ALOX15B: variants seen among roughly 807,000 people sequenced by gnomAD.
ALOX15B encodes the protein arachidonate 15-lipoxygenase type B, also known as polyunsaturated fatty acid lipoxygenase ALOX15B.
Under a neutral mutation model 73.8 loss-of-function variants are expected in ALOX15B, and 74 were observed. The observed-to-expected ratio is 1.00, with a 90% CI of 0.83 to 1.22. ALOX15B has a LOEUF of 1.22. ALOX15B is among the 50% of genes most tolerant of loss of function. The probability of loss-of-function intolerance (pLI) is 0.00; values close to 1 mark genes in which losing one functional copy is unlikely to be tolerated. For synonymous variants in ALOX15B, 353 were observed against 357.2 expected (o/e 0.99, Z 0.13); for missense variants, 896 against 859.9 (o/e 1.04, Z -0.52).
intron 13 of ALOX15B, among the ~76,000 whole-genome samples, 199 bp downstream of exon 13, chr17:8,048,114 A>G (rs758166331): frequency 6.6e-6 from 1 of 152,220 alleles, no homozygotes; most frequent in Non-Finnish European, 1.5e-5. Context: ...AGCCACTCTC[A>G]GTAGCAAGGG....
At position 8,039,498 on chromosome 17, in the gene ALOX15B, G is replaced by A. The variant is rs1409408035; in HGVS notation, c.260G>A (p.Trp87Ter). ...PLLGPLAPDAWFCRWFQLTPP... is the reference protein window; with the variant it reads ...PLLGPLAPDA ...CTGGGGCCCCTGGCCCCGGATGCCT[G>A]GTTCTGCCGCTGGTTCCAGCTGACA... The change falls in exon 2 of 14, where the codon TGG becomes TAG. Residue 87 changes from tryptophan to a stop codon, truncating the protein, a stop_gained. Coordinates refer to ENST00000380183, the MANE Select transcript of ALOX15B (RefSeq NM_001141.3). LOFTEE classifies it high-confidence loss of function. 2.5e-6 allele frequency: 4 copies of A among 1,575,590 alleles called. No individual in the cohort carries two copies. The highest frequency in any genetic ancestry group is 3.4e-6 in the Non-Finnish European group (4 of 1,163,316).
chr17:8,045,490 A>G lies in ALOX15B; in HGVS notation c.1004A>G (p.Gln335Arg). ...PLLPLAIQLS[Q>R]TPGPNSPIFL... ...CCACCTGCCTCCCCCCAGCTCAGCCAGACCCCCGGCCCAAACAGCCCCATC... is the reference window on the plus strand; with the variant it reads ...CCACCTGCCTCCCCCCAGCTCAGCCGGACCCCCGGCCCAAACAGCCCCATC... Residue 335 changes from glutamine (Q) to arginine (R), a missense_variant, in exon 8 of 14, where the codon CAG becomes CGG. Coordinates refer to ENST00000380183, the MANE Select transcript of ALOX15B (RefSeq NM_001141.3). 6.2e-7 allele frequency: 1 copy of G among 1,614,064 alleles called. No individual in the cohort carries two copies. The highest frequency in any genetic ancestry group is 8.5e-7 in the Non-Finnish European group (1 of 1,179,996).
Position 8,045,399 on chromosome 17 carries a change from A to G in ALOX15B, c.996+15A>G. 1.2e-6 allele frequency: 2 copies of G among 1,613,910 alleles called. No homozygotes were observed. Among genetic ancestry groups the G allele is most frequent in the Non-Finnish European group, 1.7e-6 (2 of 1,180,000 alleles). ...TCGCCATCCAGGTATGCAGTCAGGC[A>G]GGGGCAGGGCAGCGTGAAGAAGAGT... On this transcript the variant is annotated intron_variant, in intron 7 of 13. Transcript: ENST00000380183.
intron 2 of ALOX15B, 146 bp from the exon 3 acceptor site, chr17:8,039,756 G>A (rs1473446010): frequency 1.8e-5 from 21 of 1,172,364 alleles, no homozygotes; most frequent in Non-Finnish European, 2.5e-5. Flanking sequence ...GCCTTGGGGA[G>A]CGGGAGGTAG....
chr17:8,039,528 C>G lies in ALOX15B; in HGVS notation c.290C>G (p.Pro97Arg), dbSNP rs1173558888. ...WFCRWFQLTP[P>R]RGGHLLFPCY... Reference sequence around the variant, plus strand: ...TGCCGCTGGTTCCAGCTGACACCGCCGCGGGGCGGCCACCTCCTCTTCCCC... The same window carrying G: ...TGCCGCTGGTTCCAGCTGACACCGCGGCGGGGCGGCCACCTCCTCTTCCCC... Residue 97 changes from proline to arginine, a missense_variant, in exon 2 of 14, where the codon CCG becomes CGG. Physicochemically the swap from Pro to Arg is moderately radical, Grantham distance 103. Coordinates refer to ENST00000380183, the MANE Select transcript of ALOX15B (RefSeq NM_001141.3). The G allele has an allele frequency of 1.3e-6, 2 of 1,513,716 alleles. No homozygotes were observed. The highest frequency in any genetic ancestry group is 2.8e-5 in the African/African-American group (2 of 71,644). 93.8% of individuals were successfully genotyped at this position (1,513,716 alleles called of 1,614,324 possible). A position where few individuals can be genotyped will look rare whatever the true frequency, so the allele number is the denominator to read the frequency against.
chr17:8,042,710 T>C, intron 4 of ALOX15B, 71 bp from the exon 5 acceptor site: 1 of 1,441,448 alleles, frequency 6.9e-7, no homozygotes. Flanking sequence ...CCAAGAGGCA[T>C]AAGGCTGGCT....
rs929700348 is a variant in ALOX15B, at chr17:8,042,486, C to G, written c.567C>G (p.Gly189=). The change falls in exon 4 of 14, where the codon GGC becomes GGG. Residue 189 remains glycine (G), a synonymous_variant. Transcript: ENST00000380183. ...ATGCCAACTTTTATCTACAGGCTGG[C>G]TCTGCGTGAGGATGCCCACCCTTCC... The part of the protein sequence containing the change: ...AKNANFYLQA[G]SAFAEMKIKG... The G allele has an allele frequency of 2.5e-6, 4 of 1,613,138 alleles. No homozygotes were observed. Among genetic ancestry groups the G allele is most frequent in the Non-Finnish European group, 3.4e-6 (4 of 1,179,858 alleles).
In ALOX15B at chr17:8,046,224, C is replaced by T. The variant is rs921296791; in HGVS notation, c.1201-444C>T. Among the ~76,000 whole-genome samples the T allele has an allele frequency of 2.6e-5, 4 of 152,228 alleles. No homozygotes were observed. The East Asian group carries it at 7.7e-4, about 29-fold the overall frequency. On this transcript the variant is annotated intron_variant, in intron 8 of 13. Coordinates refer to ENST00000380183, the MANE Select transcript of ALOX15B (RefSeq NM_001141.3). ...ACTTCTCCTGGGTCCCAGATGCGGG[C>T]CCTACTCTGTGCTCTTCTGTACTAG...
At chr17:8,041,914 A>G (rs2151812323) in intron 3 of ALOX15B, among the ~76,000 whole-genome samples, 1 of 152,370 alleles carries the variant, frequency 6.6e-6, no homozygotes, top group East Asian at 1.9e-4. Flanking sequence ...TTGCAAGAAC[A>G]AAAGCTAACT....
chr17:8,047,664 G>T lies in ALOX15B; in HGVS notation c.1680G>T (p.Gln560His). 2 of 1,612,664 alleles carry T rather than the reference G, an allele frequency of 1.2e-6. No individual in the cohort carries two copies. Among genetic ancestry groups the T allele is most frequent in the Non-Finnish European group, 1.7e-6 (2 of 1,179,334 alleles). The change falls in exon 12 of 14, where the codon CAG becomes CAT. Residue 560 changes from glutamine (Q) to histidine (H), a missense_variant and splice_region_variant. Coordinates refer to ENST00000380183, the MANE Select transcript of ALOX15B (RefSeq NM_001141.3). ...AGCATGCGGCTGTCAGTGCAGGGCA[G>T]GTGAGGAAAGGCCAGCGCCCGAGGT... ...SAKHAAVSAG[Q>H]FDSCAWMPNL... is the part of the protein sequence containing the mutation.
Position 8,039,411 on chromosome 17 carries a change from C to A in ALOX15B, c.173C>A (p.Pro58Gln). The A allele has an allele frequency of 6.2e-7, 1 of 1,612,938 alleles. No individual in the cohort carries two copies. The highest frequency in any genetic ancestry group is 8.5e-7 in the Non-Finnish European group (1 of 1,179,532). Residue 58 changes from proline to glutamine, a missense_variant, in exon 2 of 14, where the codon CCG (proline) becomes CAG (glutamine). Coordinates refer to ENST00000380183, the MANE Select transcript of ALOX15B (RefSeq NM_001141.3). ...GAGGAGGACTTCCAGGTGACGCTCC[C>A]GGAGGACGTAGGCCGAGTGCTGCTG... ...GAEEDFQVTL[P>Q]EDVGRVLLLR...
At chr17:8,044,742 G>A (rs1976556845) in intron 5 of ALOX15B, 87 bp from the exon 6 acceptor site, 2 of 1,170,520 alleles carry the variant, frequency 1.7e-6, no homozygotes, top group Non-Finnish European at 2.4e-6. Flanking sequence ...GCCTGTGGGA[G>A]CTGGGGTAAC....
At chr17:8,039,663 G>C in intron 2 of ALOX15B, 58 bp downstream of exon 2, 1 of 1,239,008 alleles carries the variant, frequency 8.1e-7, no homozygotes, top group Non-Finnish European at 1.1e-6. Context: ...TAGGGGACTG[G>C]GGGTTGGGGA....
chr17:8,042,971 A>G (rs1230884311), intron 5 of ALOX15B, 87 bp downstream of exon 5: 6 of 1,093,014 alleles, frequency 5.5e-6, no homozygotes, highest in Non-Finnish European at 8.1e-6. Context: ...CCAAGCACCA[A>G]TTTGCTATGT....
In ALOX15B at chr17:8,046,739, G is replaced by A; in HGVS notation, c.1272G>A (p.Gly424=). Reference sequence around the variant, plus strand: ...CCCGGGAGCTGCTTATCGTGCCAGGGCAGGTGGTGGACAGGGTGAGAGCTG... The same window carrying A: ...CCCGGGAGCTGCTTATCGTGCCAGGACAGGTGGTGGACAGGGTGAGAGCTG... ...TLARELLIVP[G]QVVDRSTGIG... The change falls in exon 9 of 14, where the codon GGG becomes GGA. Residue 424 remains glycine (G), a synonymous_variant. Coordinates refer to ENST00000380183, the MANE Select transcript of ALOX15B (RefSeq NM_001141.3). The A allele has an allele frequency of 6.2e-7, 1 of 1,613,922 alleles. No individual in the cohort carries two copies. The highest frequency in any genetic ancestry group is 8.5e-7 in the Non-Finnish European group (1 of 1,179,932).
At chr17:8,039,651 G>T in intron 2 of ALOX15B, 46 bp downstream of exon 2, 1 of 1,179,636 alleles carries the variant, frequency 8.5e-7, no homozygotes, top group Non-Finnish European at 1.2e-6. Flanking sequence ...CACAGGAAGG[G>T]GTAGGGGACT....
Position 8,048,397 on chromosome 17 carries a change from C to A in ALOX15B, c.1863C>A (p.Gly621=), listed in dbSNP as rs1392426599. The A allele has an allele frequency of 6.2e-7, 1 of 1,612,182 alleles. No homozygotes were observed. The highest frequency in any genetic ancestry group is 1.7e-4 in the Middle Eastern group (1 of 6,046). ...TGGTGGATCCTCAGAGGCCCCTGGG[C>A]ACCTATCCGGATGAGCACTTCACAG... is the stretch of plus-strand genomic sequence containing the variant. The part of the protein sequence containing the change: ...SKEPGDQRPL[G]TYPDEHFTEE... The change falls in exon 14 of 14, where the codon GGC becomes GGA. Residue 621 remains glycine, a synonymous_variant. Coordinates refer to ENST00000380183, the MANE Select transcript of ALOX15B (RefSeq NM_001141.3).
intron 13 of ALOX15B, 42 bp from the exon 14 acceptor site, chr17:8,048,344 A>G (rs1598168065): frequency 6.3e-7 from 1 of 1,581,022 alleles, no homozygotes; most frequent in African/African-American, 1.3e-5. Flanking sequence ...GGGATGCAGG[A>G]CCTCAGCAGC....
chr17:8,042,000 C>T (rs955308382), intron 3 of ALOX15B, among the ~76,000 whole-genome samples: 1 of 152,202 alleles, frequency 6.6e-6, no homozygotes, highest in Non-Finnish European at 1.5e-5. Context: ...GAATTGTCCA[C>T]CCAGTGGAAA....
Sources: gnomAD v4.1 joint callset for allele counts (sites outside exome capture counted in the v4.1 genomes callset) on GRCh38, gnomAD v4.1.1 for gene constraint, MANE v1.5 for transcripts, NCBI Gene and HGNC (gene_info 2026-07-23, HGNC 2026-07-21) for gene names.